Variants in ZSWIM5 observed in about 807,000 individuals in gnomAD.
ZSWIM5 encodes zinc finger SWIM-type containing 5.
A neutral mutation model predicts 119.6 loss-of-function variants in ZSWIM5; 55 were observed. The observed-to-expected ratio is 0.46, with a 90% CI of 0.37 to 0.58. The LOEUF (loss-of-function observed/expected upper bound fraction) is 0.58, where lower values mean the gene tolerates loss of function less well. Among genes scored for constraint, ZSWIM5 ranks in the 20% least tolerant of loss-of-function variants. The probability of loss-of-function intolerance (pLI) is 0.00; values close to 1 mark genes in which losing one functional copy is unlikely to be tolerated. For synonymous variants in ZSWIM5, 537 were observed against 606.9 expected (o/e 0.88, Z 1.69); for missense variants, 1,193 against 1,512.8 (o/e 0.79, Z 3.51).
intron 4 of ZSWIM5, among the ~76,000 whole-genome samples, chr1:45,054,156 T>C (rs1454529119): frequency 2.6e-5 from 4 of 152,266 alleles, no homozygotes; most frequent in African/African-American, 9.6e-5. Flanking sequence ...CCTCTGCCTG[T>C]AATCCCAGCT....
At chr1:45,197,586 T>C (rs902977781) in intron 1 of ZSWIM5, among the ~76,000 whole-genome samples, 5 of 152,224 alleles carry the variant, frequency 3.3e-5, no homozygotes, top group Non-Finnish European at 7.3e-5. Flanking sequence ...TTTCGGGCTA[T>C]TATGAATAAA....
At chr1:45,116,027 G>C (rs986652064) in intron 1 of ZSWIM5, among the ~76,000 whole-genome samples, 102 of 152,114 alleles carry the variant, frequency 6.7e-4, no homozygotes, top group Non-Finnish European at 1.0e-3. Context: ...GAATCAGGCA[G>C]GGAGGTTGCA....
At position 45,185,065 on chromosome 1, in the gene ZSWIM5, G is replaced by A. The variant is rs1646048719; in HGVS notation, c.595+20691C>T. On this transcript the variant is annotated intron_variant, in intron 1 of 13. Coordinates refer to ENST00000359600, the MANE Select transcript of ZSWIM5 (RefSeq NM_020883.2). ...ACCAAAACAGAGATATAGATCAATG[G>A]AACAGAACAGAGGCCTCAGAAATAA... Among the ~76,000 whole-genome samples the A allele has an allele frequency of 2.6e-5, 4 of 152,178 alleles. No individual in the cohort carries two copies. The South Asian group carries it at 6.2e-4, about 24-fold the overall frequency.
rs367792649 is a variant in ZSWIM5, at chr1:45,019,084, G to A, written c.2928C>T (p.Asp976=). ...ALSALTLCEK[D]HIAFEAAYQI... is the part of the protein sequence containing the mutation. ...GGTAGGCTGCCTCAAAGGCAATGTG[G>A]TCTTTCTCACAGAGTGTAAGGGCTG... Residue 976 remains aspartate, a synonymous_variant, in exon 14 of 14, where the codon GAC becomes GAT. Coordinates refer to ENST00000359600, the MANE Select transcript of ZSWIM5 (RefSeq NM_020883.2). This position sits in a 1 kb window ranked among gnomAD's most constrained non-coding sequence, Gnocchi z 5.0. The A allele has an allele frequency of 6.2e-7, 1 of 1,614,102 alleles. No individual in the cohort carries two copies. Among genetic ancestry groups the A allele is most frequent in the Non-Finnish European group, 8.5e-7 (1 of 1,180,052 alleles).
chr1:45,090,163 C>T (rs1010035792), intron 1 of ZSWIM5, among the ~76,000 whole-genome samples: 6 of 152,126 alleles, frequency 3.9e-5, no homozygotes, highest in Admixed American at 2.0e-4. Flanking sequence ...TTTACAAGTA[C>T]GCTCATAAAA....
intron 1 of ZSWIM5, among the ~76,000 whole-genome samples, chr1:45,152,084 A>G (rs1435003182): frequency 6.6e-6 from 1 of 152,204 alleles, no homozygotes; most frequent in African/African-American, 2.4e-5. Flanking sequence ...GGTAAGGGCT[A>G]TATTCTGCAG....
chr1:45,069,896 A>G (rs1032976296), intron 2 of ZSWIM5: 24 of 491,906 alleles, frequency 4.9e-5, no homozygotes, highest in Admixed American at 2.0e-4. Flanking sequence ...TCCACATTTC[A>G]TATTAGAGGA....
At chr1:45,066,900 T>C (rs1645187197) in intron 2 of ZSWIM5, among the ~76,000 whole-genome samples, 1 of 152,272 alleles carries the variant, frequency 6.6e-6, no homozygotes. Context: ...AGAGGTAAAA[T>C]TAACATATCT....
At chr1:45,023,316 T>A (rs1406368307) in intron 11 of ZSWIM5, among the ~76,000 whole-genome samples, 2 of 152,198 alleles carry the variant, frequency 1.3e-5, no homozygotes, top group Non-Finnish European at 2.9e-5. Flanking sequence ...TTCCAGCATA[T>A]CATATACTTG....
chr1:45,132,394 A>G (rs1364039258), intron 1 of ZSWIM5, among the ~76,000 whole-genome samples: 1 of 152,136 alleles, frequency 6.6e-6, no homozygotes, highest in Non-Finnish European at 1.5e-5. Context: ...TGCTGGTAGC[A>G]TTGAAAGTTA....
intron 1 of ZSWIM5, among the ~76,000 whole-genome samples, chr1:45,107,481 A>G (rs1236479692): frequency 6.6e-6 from 1 of 151,796 alleles, no homozygotes; most frequent in African/African-American, 2.4e-5. Context: ...TACTAAAAAA[A>G]ATACAAAAAA....
In ZSWIM5 at chr1:45,177,569, G is replaced by T. The variant is rs573286219; in HGVS notation, c.595+28187C>A. Among the ~76,000 whole-genome samples, 12 of 152,144 alleles carry T rather than the reference G, an allele frequency of 7.9e-5. No homozygotes were observed. In the East Asian group the frequency reaches 2.3e-3, roughly 29 times the overall value. On this transcript the variant is annotated intron_variant, in intron 1 of 13. Transcript: ENST00000359600. ...CAGGTCTGAATCTCATGAAATGAAA[G>T]ATGGGCATAAAAGGGGATTCTCTCT...
chr1:45,174,297 ATAAAAC>A (rs1645963162), intron 1 of ZSWIM5, among the ~76,000 whole-genome samples: 2 of 152,218 alleles, frequency 1.3e-5, no homozygotes, highest in African/African-American at 4.8e-5. Flanking sequence ...AAAATATGAA[ATAAAAC>A]TAAAACATTC....
intron 4 of ZSWIM5, among the ~76,000 whole-genome samples, chr1:45,056,762 AG>A (rs1312225938): frequency 6.6e-6 from 1 of 152,214 alleles, no homozygotes; most frequent in Non-Finnish European, 1.5e-5. Context: ...CAAACACGTA[AG>A]GGTTGGCCTT....
chr1:45,125,407 TATAAC>T (rs1050793582), intron 1 of ZSWIM5, among the ~76,000 whole-genome samples: 17 of 150,630 alleles, frequency 1.1e-4, no homozygotes, highest in Admixed American at 2.0e-4. Flanking sequence ...AAAATGAAAA[TATAAC>T]AGACAAAAAT....
intron 5 of ZSWIM5, 70 bp downstream of exon 5, chr1:45,051,004 T>G: frequency 2.1e-6 from 3 of 1,434,644 alleles, no homozygotes; most frequent in Non-Finnish European, 2.8e-6. Flanking sequence ...CAGCTACCAT[T>G]GTTCTAGGGT....
intron 1 of ZSWIM5, among the ~76,000 whole-genome samples, chr1:45,199,573 G>A (rs1427560311): frequency 3.3e-5 from 5 of 152,056 alleles, no homozygotes; most frequent in African/African-American, 1.2e-4. Flanking sequence ...TGCTGGGAGT[G>A]AGCCACCACG....
In ZSWIM5 at chr1:45,019,351, C is replaced by A. The variant is rs1237502249; in HGVS notation, c.2696-35G>T. On this transcript the variant is annotated intron_variant, in intron 13 of 13. Coordinates refer to ENST00000359600, the MANE Select transcript of ZSWIM5 (RefSeq NM_020883.2). This position sits in a 1 kb window ranked among gnomAD's most constrained non-coding sequence, Gnocchi z 5.0. ...GGAGCCTGAGCTCAGCCGTGGCCAT[C>A]TGGGTCCTGATTCAGGTCTACCCAG... 1.3e-6 allele frequency: 2 copies of A among 1,584,872 alleles called. No homozygotes were observed. Among genetic ancestry groups the A allele is most frequent in the Admixed American group, 1.7e-5 (1 of 58,926 alleles).
At chr1:45,176,753 C>A (rs1645983923) in intron 1 of ZSWIM5, among the ~76,000 whole-genome samples, 1 of 152,098 alleles carries the variant, frequency 6.6e-6, no homozygotes, top group Non-Finnish European at 1.5e-5. Flanking sequence ...TGCTGCCACC[C>A]CCTGCTATGC....
Sources: gnomAD v4.1 joint callset for allele counts (sites outside exome capture counted in the v4.1 genomes callset) on GRCh38, gnomAD v4.1.1 for gene constraint, Gnocchi (gnomAD v3.1) non-coding constraint, MANE v1.5 for transcripts, NCBI Gene and HGNC (gene_info 2026-07-23, HGNC 2026-07-21) for gene names.